Variants in VCAM1 observed in about 807,000 individuals in gnomAD.
VCAM1 encodes vascular cell adhesion protein 1.
A neutral mutation model predicts 63.8 loss-of-function variants in VCAM1; 41 were observed. That is an observed-to-expected ratio of 0.64 (90% CI 0.50 to 0.83). VCAM1 has a LOEUF of 0.83. Ranked by LOEUF, VCAM1 falls within the 40% of genes least tolerant of loss-of-function variation. VCAM1 has a pLI of 0.00. For missense variants in VCAM1, 798 were observed against 875.5 expected, an observed-to-expected ratio of 0.91 and a Z score of 1.12; for synonymous variants, 338 against 320.7, an observed-to-expected ratio of 1.05 and a Z score of -0.58.
intron 5 of VCAM1, 24 bp downstream of exon 5, chr1:100,729,406 A>T: frequency 3.4e-6 from 5 of 1,450,096 alleles, no homozygotes; most frequent in South Asian, 1.4e-5. Flanking sequence ...AGAATTGTTT[A>T]CTGTTTTTTT....
chr1:100,721,555 T>A (rs1239087185), intron 2 of VCAM1, among the ~76,000 whole-genome samples: 1 of 152,038 alleles, frequency 6.6e-6, no homozygotes, highest in East Asian at 1.9e-4. Context: ...CTGAACCCAT[T>A]TACGGTCATG....
chr1:100,726,659 T>C (rs1022734030), intron 4 of VCAM1, among the ~76,000 whole-genome samples: 6 of 152,206 alleles, frequency 3.9e-5, no homozygotes, highest in Non-Finnish European at 7.4e-5. Context: ...TATGCTATTC[T>C]GTTCAGTTCA....
rs1481802691 is a variant in VCAM1, at chr1:100,729,402, G to T, written c.1204+20G>T. 6 of 1,457,590 alleles carry T rather than the reference G, an allele frequency of 4.1e-6. No homozygotes were observed. The highest frequency in any genetic ancestry group is 2.0e-4 in the Middle Eastern group (1 of 4,980). The allele number at this position is 1,457,590 out of a possible 1,614,324, so 90.3% of individuals were successfully genotyped here. A position where few individuals can be genotyped will look rare whatever the true frequency, so the allele number is the denominator to read the frequency against. On this transcript the variant is annotated intron_variant, in intron 5 of 8. Transcript: ENST00000294728. ...TCTACTGTAAGTGGTTTTCAGAATTGTTTACTGTTTTTTTTTTTCAGTTCT... is the reference window on the plus strand; with the variant it reads ...TCTACTGTAAGTGGTTTTCAGAATTTTTTACTGTTTTTTTTTTTCAGTTCT...
chr1:100,731,058 T>C lies in VCAM1; in HGVS notation c.1205-140T>C, dbSNP rs1308620313. On this transcript the variant is annotated intron_variant, in intron 5 of 8. Transcript: ENST00000294728. The surrounding 1 kb of genome is among the most constrained non-coding windows in gnomAD (Gnocchi z 4.2). Reference sequence around the variant, plus strand: ...TCATAAATATGTCATTTATAAATACTGTCATTACTTATATATTGACAGTCA... The same window carrying C: ...TCATAAATATGTCATTTATAAATACCGTCATTACTTATATATTGACAGTCA... 2.0e-5 allele frequency: 14 copies of C among 684,106 alleles called. No individual in the cohort carries two copies. The highest frequency in any genetic ancestry group is 3.0e-5 in the Non-Finnish European group (13 of 427,112). 42.4% of individuals were successfully genotyped at this position (684,106 alleles called of 1,614,324 possible).
chr1:100,732,463 T>C lies in VCAM1; in HGVS notation c.1571T>C (p.Leu524Pro). 1 of 1,607,642 alleles carries C rather than the reference T, an allele frequency of 6.2e-7. No individual in the cohort carries two copies. The highest frequency in any genetic ancestry group is 8.5e-7 in the Non-Finnish European group (1 of 1,177,700). ...GTCTTGGTCAGCCCTTCCTCCATCCTGGAGGAAGGCAGTTCTGTGAATATG... is the reference window on the plus strand; with the variant it reads ...GTCTTGGTCAGCCCTTCCTCCATCCCGGAGGAAGGCAGTTCTGTGAATATG... ...TTVLVSPSSI[L>P]EEGSSVNMTC... is the part of the protein sequence containing the mutation. The change falls in exon 7 of 9, where the codon CTG becomes CCG. Residue 524 changes from leucine (L) to proline (P), a missense_variant. By Grantham distance (98) the Leu-to-Pro change is moderately conservative (BLOSUM62 -3). Coordinates refer to ENST00000294728, the MANE Select transcript of VCAM1 (RefSeq NM_001078.4).
At chr1:100,733,563 A>C (rs1389690004) in intron 7 of VCAM1, among the ~76,000 whole-genome samples, 22 of 152,248 alleles carry the variant, frequency 1.4e-4, no homozygotes, top group Admixed American at 1.4e-3. Context: ...ATGGGGAAAG[A>C]ATTTCAAATC....
At chr1:100,729,461 C>A in intron 5 of VCAM1, 79 bp downstream of exon 5, 1 of 1,448,464 alleles carries the variant, frequency 6.9e-7, no homozygotes, top group Non-Finnish European at 9.2e-7. Context: ...CTGTGAAGTG[C>A]AATGAAATCC....
chr1:100,734,526 C>T lies in VCAM1; in HGVS notation c.1817C>T (p.Thr606Ile). The T allele has an allele frequency of 6.2e-7, 1 of 1,613,202 alleles. No homozygotes were observed. Among genetic ancestry groups the T allele is most frequent in the Admixed American group, 1.7e-5 (1 of 59,808 alleles). ...IQVTPKDIKL[T>I]AFPSESVKEG... ...GTTACTCCAAAAGACATAAAACTTACAGCTTTTCCTTCTGAGAGTGTCAAA... is the reference window on the plus strand; with the variant it reads ...GTTACTCCAAAAGACATAAAACTTATAGCTTTTCCTTCTGAGAGTGTCAAA... Residue 606 changes from threonine (T) to isoleucine (I), a missense_variant, in exon 8 of 9, where the codon ACA becomes ATA. Thr to Ile is a moderately conservative substitution (Grantham distance 89, BLOSUM62 -1). Coordinates refer to ENST00000294728, the MANE Select transcript of VCAM1 (RefSeq NM_001078.4).
chr1:100,719,755 C>A lies in VCAM1; in HGVS notation c.-106C>A. Reference sequence around the variant, plus strand: ...CTATTTCACTCCGCGGTATCTGCATCGGGCCTCACTGGCTTCAGGAGCTGA... The same window carrying A: ...CTATTTCACTCCGCGGTATCTGCATAGGGCCTCACTGGCTTCAGGAGCTGA... On this transcript the variant is annotated 5_prime_UTR_variant, in exon 1 of 9. Coordinates refer to ENST00000294728, the MANE Select transcript of VCAM1 (RefSeq NM_001078.4). 1 of 1,078,142 alleles carries A rather than the reference C, an allele frequency of 9.3e-7. No homozygotes were observed. Among genetic ancestry groups the A allele is most frequent in the Non-Finnish European group, 1.3e-6 (1 of 740,830 alleles). 66.8% of individuals were successfully genotyped at this position (1,078,142 alleles called of 1,614,324 possible).
At position 100,732,399 on chromosome 1, in the gene VCAM1, A is replaced by G; in HGVS notation, c.1526-19A>G. On this transcript the variant is annotated intron_variant, in intron 6 of 8. Transcript: ENST00000294728. ...CAGGGCATAATAGGTCAAGCTAACA[A>G]GCGTCTCTGCCTTTTCAGTTGCCCC... 1 of 1,525,850 alleles carries G rather than the reference A, an allele frequency of 6.6e-7. No individual in the cohort carries two copies. Among genetic ancestry groups the G allele is most frequent in the Non-Finnish European group, 8.8e-7 (1 of 1,139,106 alleles). The allele number at this position is 1,525,850 out of a possible 1,614,324, so 94.5% of individuals were successfully genotyped here.
At chr1:100,725,273 A>G (rs888940674) in intron 4 of VCAM1, among the ~76,000 whole-genome samples, 2 of 151,742 alleles carry the variant, frequency 1.3e-5, no homozygotes, top group Admixed American at 6.6e-5. Flanking sequence ...TCATGTTCCA[A>G]TTCCATGCTG....
chr1:100,730,729 A>G (rs1478920138), intron 5 of VCAM1, among the ~76,000 whole-genome samples: 1 of 152,088 alleles, frequency 6.6e-6, no homozygotes. Flanking sequence ...TAGCCTCTAT[A>G]TGTTTCAGTA....
Position 100,734,763 on chromosome 1 carries a change from T to A in VCAM1, c.2054T>A (p.Val685Asp). The A allele has an allele frequency of 6.2e-7, 1 of 1,613,028 alleles. No homozygotes were observed. Among genetic ancestry groups the A allele is most frequent in the Non-Finnish European group, 8.5e-7 (1 of 1,179,382 alleles). ...GSQLRSLTLD[V>D]QGRENNKDYF... ...CAATTAAGAAGTTTAACACTTGATG[T>A]TCAAGGTGAGTTTGTTTTGAGTTTT... Residue 685 changes from valine to aspartate, a missense_variant, in exon 8 of 9, where the codon GTT becomes GAT. Val to Asp is a radical substitution (Grantham distance 152). Transcript: ENST00000294728.
At position 100,738,852 on chromosome 1, in the gene VCAM1, T is replaced by C. The variant is rs1157279405; in HGVS notation, c.*569T>C. The C allele has an allele frequency of 6.6e-6, 1 of 152,370 alleles. No individual in the cohort carries two copies. The highest frequency in any genetic ancestry group is 1.5e-5 in the Non-Finnish European group (1 of 68,164). The allele number at this position is 152,370 out of a possible 1,614,324, so 9.4% of individuals were successfully genotyped here. On this transcript the variant is annotated 3_prime_UTR_variant, in exon 9 of 9. Coordinates refer to ENST00000294728, the MANE Select transcript of VCAM1 (RefSeq NM_001078.4). ...GGTTGACTTTCAGGTACTAAATACC[T>C]CAACCTATGGTATAATGGTTGACTG...
chr1:100,723,937 A>G (rs529740982), intron 3 of VCAM1, among the ~76,000 whole-genome samples: 1 of 152,094 alleles, frequency 6.6e-6, no homozygotes, highest in African/African-American at 2.4e-5. Flanking sequence ...CTAAAATGCT[A>G]TGTTCTGCAC....
chr1:100,719,789 C>A lies in VCAM1; in HGVS notation c.-72C>A. 6.5e-7 allele frequency: 1 copy of A among 1,527,878 alleles called. No homozygotes were observed. The highest frequency in any genetic ancestry group is 9.0e-7 in the Non-Finnish European group (1 of 1,114,168). 94.6% of individuals were successfully genotyped at this position (1,527,878 alleles called of 1,614,324 possible). A position where few individuals can be genotyped will look rare whatever the true frequency, so the allele number is the denominator to read the frequency against. Reference sequence around the variant, plus strand: ...CTGGCTTCAGGAGCTGAATACCCTCCCAGGCACACACAGGTGGGACACAAA... The same window carrying A: ...CTGGCTTCAGGAGCTGAATACCCTCACAGGCACACACAGGTGGGACACAAA... On this transcript the variant is annotated 5_prime_UTR_variant, in exon 1 of 9. Transcript: ENST00000294728.
At chr1:100,727,823 C>T (rs1488404542) in intron 4 of VCAM1, among the ~76,000 whole-genome samples, 5 of 152,030 alleles carry the variant, frequency 3.3e-5, no homozygotes, top group Non-Finnish European at 5.9e-5. Flanking sequence ...AATCTAATAG[C>T]ATATCAGTTT....
At position 100,734,529 on chromosome 1, in the gene VCAM1, C is replaced by T. The variant is rs1433338512; in HGVS notation, c.1820C>T (p.Ala607Val). Residue 607 changes from alanine (A) to valine (V), a missense_variant, in exon 8 of 9, where the codon GCT becomes GTT. Transcript: ENST00000294728. ...QVTPKDIKLT[A>V]FPSESVKEGD... ...ACTCCAAAAGACATAAAACTTACAG[C>T]TTTTCCTTCTGAGAGTGTCAAAGAA... The T allele has an allele frequency of 6.2e-7, 1 of 1,613,368 alleles. No homozygotes were observed. The highest frequency in any genetic ancestry group is 1.1e-5 in the South Asian group (1 of 90,974).
At position 100,720,751 on chromosome 1, in the gene VCAM1, T is replaced by C. The variant is rs766814579; in HGVS notation, c.340T>C (p.Ser114Pro). ...AAAAGGAATCCAGGTGGAGATCTAC[T>C]GTGAGTGCTTTAGAAAATCTTTGTT... ...LEKGIQVEIY[S>P]FPKDPEIHLS... The change falls in exon 2 of 9, where the codon TCT (serine) becomes CCT (proline). Residue 114 changes from serine to proline, a missense_variant and splice_region_variant. Coordinates refer to ENST00000294728, the MANE Select transcript of VCAM1 (RefSeq NM_001078.4). 1 of 1,578,292 alleles carries C rather than the reference T, an allele frequency of 6.3e-7. No homozygotes were observed.
Sources: gnomAD v4.1 joint callset for allele counts (sites outside exome capture counted in the v4.1 genomes callset) on GRCh38, gnomAD v4.1.1 for gene constraint, Gnocchi (gnomAD v3.1) non-coding constraint, MANE v1.5 for transcripts, NCBI Gene and HGNC (gene_info 2026-07-23, HGNC 2026-07-21) for gene names.